Variants in PIK3R4 observed in about 807,000 individuals in gnomAD.
The protein encoded by PIK3R4 is phosphoinositide 3-kinase regulatory subunit 4.
Under a neutral mutation model 136.5 loss-of-function variants are expected in PIK3R4, and 46 were observed. The ratio of observed to expected loss-of-function variants is 0.34; its 90% CI spans 0.27 to 0.43. The LOEUF is 0.43. PIK3R4 is among the 20% of genes least tolerant of loss of function. The pLI, the probability that PIK3R4 is intolerant of heterozygous loss-of-function variation, is 1.00. For synonymous variants in PIK3R4, 557 were observed against 566.7 expected (o/e 0.98, Z 0.24); for missense variants, 1,331 against 1,649.5 (o/e 0.81, Z 3.35).
chr3:130,722,751 T>C (rs1162257501), intron 7 of PIK3R4, among the ~76,000 whole-genome samples: 1 of 151,842 alleles, frequency 6.6e-6, no homozygotes, highest in Non-Finnish European at 1.5e-5. Context: ...ACCCACATCA[T>C]GGTTTTTTTA....
chr3:130,733,985 G>C lies in PIK3R4; in HGVS notation c.1013C>G (p.Ser338Cys), dbSNP rs1408616190. ...TATAACCAGAATACGCTCATCTGCAGAAAGAAACGTTTCCTTGGCAAACTG... is the reference window on the plus strand; with the variant it reads ...TATAACCAGAATACGCTCATCTGCACAAAGAAACGTTTCCTTGGCAAACTG... ...MAQFAKETFL[S>C]ADERILVIRK... The change falls in exon 4 of 20, where the codon TCT (serine) becomes TGT (cysteine). Residue 338 changes from serine to cysteine, a missense_variant. Around this residue, in one of 2 missense-constraint regions of PIK3R4, gnomAD observed 1,180 missense variants for 1,407.0 expected, o/e 0.84. Coordinates refer to ENST00000356763, the MANE Select transcript of PIK3R4 (RefSeq NM_014602.3). 6.2e-7 allele frequency: 1 copy of C among 1,614,142 alleles called. No individual in the cohort carries two copies. The highest frequency in any genetic ancestry group is 8.5e-7 in the Non-Finnish European group (1 of 1,180,012).
chr3:130,701,614 C>G (rs1018230443), intron 13 of PIK3R4, among the ~76,000 whole-genome samples: 1 of 151,860 alleles, frequency 6.6e-6, no homozygotes, highest in African/African-American at 2.4e-5. Context: ...AAGGGAACCT[C>G]CTGGTATGAT....
chr3:130,680,241 T>C (rs1300157354), intron 19 of PIK3R4, among the ~76,000 whole-genome samples: 2 of 152,150 alleles, frequency 1.3e-5, no homozygotes, highest in Non-Finnish European at 2.9e-5. Flanking sequence ...TTTGCCTGAG[T>C]CAAGAATACA....
chr3:130,715,771 A>G (rs2066661339), intron 9 of PIK3R4, among the ~76,000 whole-genome samples: 1 of 152,130 alleles, frequency 6.6e-6, no homozygotes, highest in Non-Finnish European at 1.5e-5. Flanking sequence ...CCATTTGTCA[A>G]TTCTGGCCTT....
In PIK3R4 at chr3:130,690,606, T is replaced by C; in HGVS notation, c.3147A>G (p.Thr1049=). The C allele has an allele frequency of 6.2e-7, 1 of 1,611,528 alleles. No individual in the cohort carries two copies. Among genetic ancestry groups the C allele is most frequent in the Non-Finnish European group, 8.5e-7 (1 of 1,177,900 alleles). The change falls in exon 14 of 20, where the codon ACA becomes ACG. Residue 1049 remains threonine, a synonymous_variant. Transcript: ENST00000356763. The part of the protein sequence containing the change: ...SRIGGRVKTL[T]FCQGSHYLAI... ...CTAAATAGTGGGAGCCTTGGCAGAATGTGAGCGTCTTGACTCGTCCTCCAA... is the reference window on the plus strand; with the variant it reads ...CTAAATAGTGGGAGCCTTGGCAGAACGTGAGCGTCTTGACTCGTCCTCCAA...
At chr3:130,681,102 T>A in intron 17 of PIK3R4, 37 bp from the exon 18 acceptor site, 1 of 1,076,220 alleles carries the variant, frequency 9.3e-7, no homozygotes, top group Non-Finnish European at 1.5e-6. Flanking sequence ...ATAAAAGACA[T>A]CCGTGTATTC....
rs575892082 is a variant in PIK3R4 at position 130,744,652 on chromosome 3, T to C, written c.567A>G (p.Thr189=). The change falls in exon 2 of 20, where the codon ACA becomes ACG. Residue 189 remains threonine, a synonymous_variant. Transcript: ENST00000356763. ...CAATATAGCAAGTTCTCCTCCGTGA[T>C]GTGTCAAAGAAATAATTGAAATCTG... ...NPADFNYFFD[T]SRRRTCYIAP... is the part of the protein sequence containing the mutation. 2 of 1,614,238 alleles carry C rather than the reference T, an allele frequency of 1.2e-6. No homozygotes were observed. The highest frequency in any genetic ancestry group is 4.5e-5 in the East Asian group (2 of 44,884).
In PIK3R4 at chr3:130,746,538, C is replaced by A. The variant is rs1420813339; in HGVS notation, c.-267G>T. The A allele has an allele frequency of 6.6e-6, 1 of 152,290 alleles. No homozygotes were observed. Among genetic ancestry groups the A allele is most frequent in the East Asian group, 1.9e-4 (1 of 5,194 alleles). 9.4% of individuals were successfully genotyped at this position (152,290 alleles called of 1,614,324 possible). Reference sequence around the variant, plus strand: ...CTGGGAGGAGAACTGGGAAAGCTCTCGGGGTCTCAGCAGAGAGAAGAAGCC... The same window carrying A: ...CTGGGAGGAGAACTGGGAAAGCTCTAGGGGTCTCAGCAGAGAGAAGAAGCC... On this transcript the variant is annotated 5_prime_UTR_variant, in exon 1 of 20. Transcript: ENST00000356763.
intron 2 of PIK3R4, among the ~76,000 whole-genome samples, chr3:130,741,411 T>C (rs1029225858): frequency 1.3e-5 from 2 of 152,220 alleles, no homozygotes. Flanking sequence ...AGCCACCATC[T>C]CTATGGTATT....
intron 14 of PIK3R4, among the ~76,000 whole-genome samples, chr3:130,688,432 T>C (rs2066500215): frequency 6.6e-6 from 1 of 152,236 alleles, no homozygotes; most frequent in Non-Finnish European, 1.5e-5. Context: ...AATGTGATTA[T>C]GTGATTCACT....
In PIK3R4 at chr3:130,703,984, C is replaced by G. The variant is rs993938004; in HGVS notation, c.2933-96G>C. On this transcript the variant is annotated intron_variant, in intron 12 of 19. Coordinates refer to ENST00000356763, the MANE Select transcript of PIK3R4 (RefSeq NM_014602.3). ...TAATAACCAACAACCAGCTTGAAAA[C>G]AATCATAAGAACTAAAATATTTGAA... is the stretch of plus-strand genomic sequence containing the variant. 25 of 792,462 alleles carry G rather than the reference C, an allele frequency of 3.2e-5. No individual in the cohort carries two copies. In the African/African-American group the frequency reaches 4.1e-4, roughly 13 times the overall value. 49.1% of individuals were successfully genotyped at this position (792,462 alleles called of 1,614,324 possible).
In PIK3R4 at chr3:130,705,733, T is replaced by C; in HGVS notation, c.2760A>G (p.Val920=). 2.5e-6 allele frequency: 4 copies of C among 1,611,428 alleles called. No homozygotes were observed. The highest frequency in any genetic ancestry group is 2.5e-6 in the Non-Finnish European group (3 of 1,177,550). The change falls in exon 12 of 20, where the codon GTA becomes GTG. Residue 920 remains valine, a synonymous_variant. Transcript: ENST00000356763. ...AGATTGTACTACTTAAAACCGGTATTACTGGTTTTTTATTTTGGACAGTTG... is the reference window on the plus strand; with the variant it reads ...AGATTGTACTACTTAAAACCGGTATCACTGGTTTTTTATTTTGGACAGTTG... The part of the protein sequence containing the change: ...EVTTVQNKKP[V]IPVLSSTILP...
rs75578552 is a variant in PIK3R4, at chr3:130,711,680, A to T, written c.2332-3188T>A. On this transcript the variant is annotated intron_variant, in intron 9 of 19. Coordinates refer to ENST00000356763, the MANE Select transcript of PIK3R4 (RefSeq NM_014602.3). ...ACCAATTAAGGGTTGGTCTGGACCT[A>T]TCCTAAACCTATCTTAACAAAGCTT... Among the ~76,000 whole-genome samples, 246 of 152,338 alleles carry T rather than the reference A, an allele frequency of 1.6e-3. 6 individuals carry two copies. In the East Asian group the frequency reaches 0.041, roughly 25 times the overall value.
In PIK3R4 at chr3:130,728,539, C is replaced by T. The variant is rs1428209037; in HGVS notation, c.1731G>A (p.Leu577=). 6.2e-7 allele frequency: 1 copy of T among 1,613,712 alleles called. No homozygotes were observed. The highest frequency in any genetic ancestry group is 1.1e-5 in the South Asian group (1 of 91,042). Residue 577 remains leucine, a synonymous_variant, in exon 6 of 20, where the codon TTG becomes TTA. Transcript: ENST00000356763. ...TTAGGAAAGTAATCATGTGGGACAA[C>T]AAAACATCGTTGGCTTTCTGACGTC... ...FFGRQKANDV[L]LSHMITFLND... is the part of the protein sequence containing the mutation.
chr3:130,715,467 A>G (rs2066659629), intron 9 of PIK3R4, among the ~76,000 whole-genome samples: 1 of 151,970 alleles, frequency 6.6e-6, no homozygotes, highest in Admixed American at 6.5e-5. Flanking sequence ...CTGGCATGAG[A>G]TGGTGTCTCA....
At chr3:130,703,486 T>C (rs1452823080) in intron 13 of PIK3R4, among the ~76,000 whole-genome samples, 2 of 152,208 alleles carry the variant, frequency 1.3e-5, no homozygotes, top group Non-Finnish European at 2.9e-5. Flanking sequence ...TAGCTTCCTT[T>C]CCTGCTGTAT....
chr3:130,726,604 A>G (rs1240494626), intron 6 of PIK3R4, among the ~76,000 whole-genome samples: 2 of 152,188 alleles, frequency 1.3e-5, no homozygotes, highest in Non-Finnish European at 2.9e-5. Flanking sequence ...TAGCTATGGG[A>G]AAAAACATCA....
intron 3 of PIK3R4, 100 bp from the exon 4 acceptor site, chr3:130,734,230 T>C (rs958353175): frequency 1.1e-6 from 1 of 914,056 alleles, no homozygotes; most frequent in Admixed American, 2.6e-5. Context: ...TAAAGGATCT[T>C]TCAGAACCTG....
chr3:130,703,243 A>C (rs1208996165), intron 13 of PIK3R4, among the ~76,000 whole-genome samples: 3 of 152,126 alleles, frequency 2.0e-5, no homozygotes, highest in African/African-American at 7.2e-5. Flanking sequence ...CACCTCGCTC[A>C]CTTTGCTCCA....
Sources: gnomAD v4.1 joint callset for allele counts (sites outside exome capture counted in the v4.1 genomes callset) on GRCh38, gnomAD v4.1.1 for gene constraint, gnomAD v4.1.1 regional missense constraint, MANE v1.5 for transcripts, NCBI Gene and HGNC (gene_info 2026-07-23, HGNC 2026-07-21) for gene names.